RPH3A: variants seen among roughly 807,000 people sequenced by gnomAD.
RPH3A encodes the protein rabphilin-3A.
Under a neutral mutation model 102.2 loss-of-function variants are expected in RPH3A, and 48 were observed. The observed-to-expected ratio is 0.47, with a 90% CI of 0.37 to 0.60. The LOEUF (loss-of-function observed/expected upper bound fraction) is 0.60. Among genes scored for constraint, RPH3A ranks in the 20% least tolerant of loss-of-function variants. The pLI is 0.00. For missense variants in RPH3A, 781 were observed against 910.1 expected (o/e 0.86, Z 1.83); for synonymous variants, 310 against 324.3 (o/e 0.96, Z 0.47).
intron 5 of RPH3A, among the ~76,000 whole-genome samples, chr12:112,862,354 G>C (rs2042533502): frequency 1.3e-5 from 2 of 152,166 alleles, no homozygotes; most frequent in Non-Finnish European, 1.5e-5. Flanking sequence ...GCAATAAGCT[G>C]TGATCACACC....
chr12:112,670,789 C>G (rs1488022284), intron 1 of RPH3A, among the ~76,000 whole-genome samples: 1 of 152,168 alleles, frequency 6.6e-6, no homozygotes, highest in Non-Finnish European at 1.5e-5. Flanking sequence ...AACAAAAGCA[C>G]ACAAAGTCTC....
At chr12:112,699,414 C>T (rs922311187) in intron 1 of RPH3A, among the ~76,000 whole-genome samples, 12 of 152,118 alleles carry the variant, frequency 7.9e-5, no homozygotes, top group South Asian at 2.1e-4. Flanking sequence ...TACATAAATT[C>T]GGATATATTC....
chr12:112,577,245 T>C (rs755596078), intron 1 of RPH3A, among the ~76,000 whole-genome samples: 6 of 152,244 alleles, frequency 3.9e-5, no homozygotes, highest in Non-Finnish European at 8.8e-5. Context: ...TACTTATTGT[T>C]ACTTCTTGGT....
intron 2 of RPH3A, among the ~76,000 whole-genome samples, chr12:112,811,689 G>T (rs536199086): frequency 2.6e-5 from 4 of 152,180 alleles, no homozygotes; most frequent in African/African-American, 9.7e-5. Context: ...AGGGTCACGG[G>T]TATTGATTTT....
At chr12:112,713,023 C>CTCTTCCTCTTCTTCTTCTTCTTCTTCT (rs1473414104) in intron 1 of RPH3A, among the ~76,000 whole-genome samples, 2 of 52,802 alleles carry the variant, frequency 3.8e-5, no homozygotes, top group East Asian at 7.3e-4. Flanking sequence ...CTTCCTCTTC[C>CTCTTCCTCTTCTTCTTCTTCTTCTTCT]TCTTCTTCTT....
intron 1 of RPH3A, among the ~76,000 whole-genome samples, chr12:112,757,870 G>A (rs1419138755): frequency 6.6e-6 from 1 of 152,174 alleles, no homozygotes; most frequent in African/African-American, 2.4e-5. Context: ...CACTCAGCTT[G>A]TGTACTTTTC....
At chr12:112,752,116 C>A (rs1375837485) in intron 1 of RPH3A, among the ~76,000 whole-genome samples, 1 of 152,116 alleles carries the variant, frequency 6.6e-6, no homozygotes. Flanking sequence ...TTTAATTATA[C>A]AATAAGCACA....
intron 5 of RPH3A, among the ~76,000 whole-genome samples, chr12:112,863,404 G>A (rs561351579): frequency 4.6e-5 from 7 of 152,246 alleles, no homozygotes; most frequent in South Asian, 2.1e-4. Context: ...TGCAACCTCC[G>A]CCTCCTGGGT....
At chr12:112,690,064 C>G (rs938646232) in intron 1 of RPH3A, among the ~76,000 whole-genome samples, 3 of 152,218 alleles carry the variant, frequency 2.0e-5, no homozygotes, top group African/African-American at 4.8e-5. Context: ...GTACTAACAA[C>G]ACAGGGATTG....
intron 1 of RPH3A, among the ~76,000 whole-genome samples, chr12:112,603,544 A>C (rs2039572887): frequency 6.6e-6 from 1 of 152,198 alleles, no homozygotes; most frequent in African/African-American, 2.4e-5. Flanking sequence ...AAAACAAAAA[A>C]ATCATGGGAA....
chr12:112,613,334 A>C (rs1235082957), intron 1 of RPH3A, among the ~76,000 whole-genome samples: 1 of 151,688 alleles, frequency 6.6e-6, no homozygotes, highest in Non-Finnish European at 1.5e-5. Context: ...AGGAGGTGTC[A>C]GGGATATTCT....
intron 1 of RPH3A, among the ~76,000 whole-genome samples, chr12:112,686,410 G>T (rs985216733): frequency 6.6e-6 from 1 of 152,054 alleles, no homozygotes; most frequent in African/African-American, 2.4e-5. Context: ...TTCAGTCAGG[G>T]TCATCCATGT....
intron 1 of RPH3A, among the ~76,000 whole-genome samples, chr12:112,651,456 A>T (rs1382930955): frequency 6.6e-6 from 1 of 152,124 alleles, no homozygotes; most frequent in Non-Finnish European, 1.5e-5. Flanking sequence ...AAACCATTCA[A>T]CATTTTAAAA....
At chr12:112,679,486 C>T (rs528965175) in intron 1 of RPH3A, among the ~76,000 whole-genome samples, 3 of 152,044 alleles carry the variant, frequency 2.0e-5, no homozygotes, top group African/African-American at 4.8e-5. Flanking sequence ...AGTGCCGTGG[C>T]GCAATCTTGG....
chr12:112,862,661 G>A (rs1299749322), intron 5 of RPH3A, among the ~76,000 whole-genome samples: 2 of 152,146 alleles, frequency 1.3e-5, no homozygotes, highest in Non-Finnish European at 2.9e-5. Context: ...TGTGCATGGT[G>A]CCTCCTCAAG....
intron 14 of RPH3A, among the ~76,000 whole-genome samples, chr12:112,880,524 AG>A (rs746763319): frequency 4.7e-4 from 71 of 152,306 alleles, no homozygotes; most frequent in Non-Finnish European, 8.1e-4. Context: ...CCATCTTTAC[AG>A]GCAAGATCTC....
intron 1 of RPH3A, among the ~76,000 whole-genome samples, chr12:112,719,585 T>C (rs1391379380): frequency 6.6e-6 from 1 of 152,228 alleles, no homozygotes; most frequent in African/African-American, 2.4e-5. Flanking sequence ...GGACCATATC[T>C]ATCTTGCTTA....
At chr12:112,793,597 C>CT (rs1319532940) in intron 2 of RPH3A, among the ~76,000 whole-genome samples, 3 of 152,216 alleles carry the variant, frequency 2.0e-5, no homozygotes, top group Non-Finnish European at 2.9e-5. Context: ...CTCAAAATCC[C>CT]TAACTTCTCT....
intron 1 of RPH3A, among the ~76,000 whole-genome samples, chr12:112,628,995 C>A (rs1054974595): frequency 6.6e-6 from 1 of 152,042 alleles, no homozygotes; most frequent in Non-Finnish European, 1.5e-5. Context: ...TGGGAGAGAA[C>A]CATTTGCCCC....
Sources: allele counts gnomAD v4.1 joint callset (sites outside exome capture counted in the v4.1 genomes callset), GRCh38; gene constraint gnomAD v4.1.1; transcripts MANE v1.5; gene names NCBI Gene and HGNC (gene_info 2026-07-23, HGNC 2026-07-21).